The following MELK variants were observed in gnomAD, a reference collection of about 807,000 sequenced individuals.
The protein encoded by MELK is pEg3 kinase.
Under a neutral mutation model 85.0 loss-of-function variants are expected in MELK, and 81 were observed. The ratio of observed to expected loss-of-function variants is 0.95; its 90% CI spans 0.80 to 1.15. The LOEUF is 1.15. MELK is among the 50% of genes most tolerant of loss of function. The pLI is 0.00. For missense variants in MELK, 754 were observed against 777.5 expected (o/e 0.97, Z 0.36); for synonymous variants, 252 against 265.0 (o/e 0.95, Z 0.48).
chr9:36,581,583 A>T, intron 1 of MELK, 61 bp from the exon 2 acceptor site: 1 of 833,340 alleles, frequency 1.2e-6, no homozygotes, highest in Non-Finnish European at 2.0e-6. Flanking sequence ...TGCAGTTACA[A>T]GAATGGAGGA....
chr9:36,586,667 C>T (rs998185844), intron 3 of MELK, among the ~76,000 whole-genome samples: 2 of 152,118 alleles, frequency 1.3e-5, no homozygotes, highest in African/African-American at 2.4e-5. Context: ...TTTAACACTT[C>T]AAATACTTAA....
chr9:36,594,342 A>G (rs1166091747), intron 4 of MELK, among the ~76,000 whole-genome samples: 1 of 152,218 alleles, frequency 6.6e-6, no homozygotes, highest in Non-Finnish European at 1.5e-5. Flanking sequence ...TTTGCTATAA[A>G]AATATAAAAC....
intron 13 of MELK, among the ~76,000 whole-genome samples, chr9:36,662,802 G>C (rs1459004888): frequency 1.3e-5 from 2 of 152,082 alleles, no homozygotes; most frequent in East Asian, 3.9e-4. Context: ...TTTCTCTCTG[G>C]CTCCTTTTAG....
At chr9:36,651,381 G>A (rs892026244) in intron 11 of MELK, among the ~76,000 whole-genome samples, 4 of 152,170 alleles carry the variant, frequency 2.6e-5, no homozygotes, top group Admixed American at 1.3e-4. Context: ...GATACAGGGA[G>A]GAGATGTGTG....
At chr9:36,618,406 A>C (rs1261111330) in intron 8 of MELK, among the ~76,000 whole-genome samples, 1 of 119,412 alleles carries the variant, frequency 8.4e-6, no homozygotes, top group Admixed American at 8.3e-5. Flanking sequence ...GAGGCTCCTC[A>C]AAAAAAAAAA....
intron 8 of MELK, among the ~76,000 whole-genome samples, chr9:36,608,550 A>G (rs1345529392): frequency 6.6e-6 from 1 of 150,454 alleles, no homozygotes; most frequent in Non-Finnish European, 1.5e-5. Context: ...GTTTTTGAAA[A>G]CTCATTGAGG....
At chr9:36,591,275 C>G (rs1356293634) in intron 4 of MELK, among the ~76,000 whole-genome samples, 1 of 151,886 alleles carries the variant, frequency 6.6e-6, no homozygotes, top group African/African-American at 2.4e-5. Flanking sequence ...TCCCTTTGTT[C>G]AAATAAAATT....
intron 11 of MELK, among the ~76,000 whole-genome samples, chr9:36,651,224 C>T (rs1830667950): frequency 6.6e-6 from 1 of 152,136 alleles, no homozygotes; most frequent in Admixed American, 6.5e-5. Context: ...CCCTACTGAC[C>T]TCTTGGCCTC....
chr9:36,573,282 G>A (rs1821273232), intron 1 of MELK: 1 of 152,204 alleles, frequency 6.6e-6, no homozygotes, highest in Non-Finnish European at 1.5e-5. Flanking sequence ...AGGAGGCTGC[G>A]ATAGACGTGA....
At chr9:36,630,242 A>G (rs1358199453) in intron 8 of MELK, 57 bp from the exon 9 acceptor site, 4 of 1,307,168 alleles carry the variant, frequency 3.1e-6, no homozygotes, top group Admixed American at 3.4e-5. Flanking sequence ...TTATTACCTA[A>G]GGAATTTGTG....
rs146780169 is a variant in MELK at position 36,582,530 on chromosome 9, C to T, written c.58+791C>T. Among the ~76,000 whole-genome samples the T allele has an allele frequency of 9.2e-3, 1,402 of 152,138 alleles. 23 individuals are homozygous for T. Among genetic ancestry groups the T allele is most frequent in the African/African-American group, 0.03 (1,252 of 41,478 alleles). ...GGGACATTTTACACACACATATGTACACACCTATGTGTGTATGTTTTTATT... is the reference window on the plus strand; with the variant it reads ...GGGACATTTTACACACACATATGTATACACCTATGTGTGTATGTTTTTATT... On this transcript the variant is annotated intron_variant, in intron 2 of 17. Transcript: ENST00000298048.
chr9:36,659,814 T>TA, intron 13 of MELK, among the ~76,000 whole-genome samples: 1 of 152,346 alleles, frequency 6.6e-6, no homozygotes, highest in East Asian at 1.9e-4. Flanking sequence ...TTTTTATTTT[T>TA]TTGAGATGGA....
chr9:36,673,613 G>T (rs1220379136), intron 16 of MELK, among the ~76,000 whole-genome samples: 1 of 152,044 alleles, frequency 6.6e-6, no homozygotes, highest in Admixed American at 6.6e-5. Context: ...TGCAGAGACA[G>T]GGTCTCACTA....
In MELK at chr9:36,677,399, TTATG is replaced by T; in HGVS notation, c.*63_*66del. The stretch of plus-strand genomic sequence containing the variant: ...TGTGATACAGCCTACATAAAGACTG[TTATG>T]ATCGCTTTGATTTTAAAGTTCATTG... On this transcript the variant is annotated 3_prime_UTR_variant, in exon 18 of 18. Coordinates refer to ENST00000298048, the MANE Select transcript of MELK (RefSeq NM_014791.4). 7.1e-7 allele frequency: 1 copy of T among 1,413,926 alleles called. No individual in the cohort carries two copies. Among genetic ancestry groups the T allele is most frequent in the Non-Finnish European group, 9.4e-7 (1 of 1,063,914 alleles). 87.6% of individuals were successfully genotyped at this position (1,413,926 alleles called of 1,614,324 possible).
chr9:36,665,436 G>C lies in MELK; in HGVS notation c.1263G>C (p.Lys421Asn), dbSNP rs745374927. The change falls in exon 14 of 18, where the codon AAG becomes AAC. Residue 421 changes from lysine to asparagine, a missense_variant. Lys to Asn is a moderately conservative substitution (Grantham distance 94). Coordinates refer to ENST00000298048, the MANE Select transcript of MELK (RefSeq NM_014791.4). ...ALCRTPANKLKNKENVYTPKS... is the reference protein window; with the variant it reads ...ALCRTPANKLNNKENVYTPKS... Reference sequence around the variant, plus strand: ...GCAGAACACCTGCAAATAAATTAAAGAACAAAGAAAATGTATATACTCCTA... The same window carrying C: ...GCAGAACACCTGCAAATAAATTAAACAACAAAGAAAATGTATATACTCCTA... 2 of 1,613,236 alleles carry C rather than the reference G, an allele frequency of 1.2e-6. No individual in the cohort carries two copies. The highest frequency in any genetic ancestry group is 1.7e-6 in the Non-Finnish European group (2 of 1,179,526).
chr9:36,633,141 A>G lies in MELK; in HGVS notation c.775A>G (p.Asn259Asp), dbSNP rs1828813456. The G allele has an allele frequency of 6.2e-6, 10 of 1,610,546 alleles. No homozygotes were observed. The highest frequency in any genetic ancestry group is 8.5e-6 in the Non-Finnish European group (10 of 1,179,316). The change falls in exon 10 of 18, where the codon AAC (asparagine) becomes GAC (aspartate). Residue 259 changes from asparagine to aspartate, a missense_variant. By Grantham distance (23) the Asn-to-Asp change is conservative. Coordinates refer to ENST00000298048, the MANE Select transcript of MELK (RefSeq NM_014791.4). ...ACGGATTTCTATGAAAAATCTATTG[A>G]ACCATCCCTGGATCATGCAAGATTA... ...KKRISMKNLL[N>D]HPWIMQDYNY...
At chr9:36,588,407 T>G (rs2135271592) in intron 3 of MELK, among the ~76,000 whole-genome samples, 2 of 138,190 alleles carry the variant, frequency 1.4e-5, no homozygotes, top group South Asian at 2.3e-4. Context: ...GAGACGGAGT[T>G]TCGCTCTTGT....
rs369909296 is a variant in MELK, at chr9:36,649,198, C to A, written c.922-2548C>A. On this transcript the variant is annotated intron_variant, in intron 11 of 17. Transcript: ENST00000298048. ...CATTTGAAATCTTTTAAAAGTAGAA[C>A]CTGGTGGGCTAGGTGCGGCGGCTCA... 1.4e-4 allele frequency among the ~76,000 whole-genome samples: 21 copies of A among 152,134 alleles called. No homozygotes were observed. The East Asian group carries it at 3.1e-3, about 22-fold the overall frequency.
At position 36,665,338 on chromosome 9, in the gene MELK, T is replaced by C. The variant is rs12343804; in HGVS notation, c.1177-12T>C. The C allele has an allele frequency of 0.015, 23,496 of 1,555,720 alleles. 1,102 individuals are homozygous for C. Among genetic ancestry groups the C allele is most frequent in the African/African-American group, 0.11 (8,213 of 72,418 alleles). On this transcript the variant is annotated splice_polypyrimidine_tract_variant and intron_variant, in intron 13 of 17. Transcript: ENST00000298048. ...CTTCAGTGTGCTTTATCTAGTAACT[T>C]TTTTTTTCCAGTTTACCAAGTACTG...
Sources: allele counts gnomAD v4.1 joint callset (sites outside exome capture counted in the v4.1 genomes callset), GRCh38; gene constraint gnomAD v4.1.1; transcripts MANE v1.5; gene names NCBI Gene and HGNC (gene_info 2026-07-23, HGNC 2026-07-21).